The following IL22RA2 variants were observed in gnomAD, a reference collection of about 807,000 sequenced individuals.
The protein encoded by IL22RA2 is interleukin 22 receptor subunit alpha 2, also known as interleukin-22 receptor subunit alpha-2.
Under a neutral mutation model 30.7 loss-of-function variants are expected in IL22RA2, and 39 were observed. The observed-to-expected ratio is 1.27, with a 90% confidence interval of 0.98 to 1.66. The LOEUF (loss-of-function observed/expected upper bound fraction) is 1.66, where lower values mean the gene tolerates loss of function less well. Ranked by LOEUF, IL22RA2 falls within the 40% of genes most tolerant of loss-of-function variation. The pLI, the probability that IL22RA2 is intolerant of heterozygous loss-of-function variation, is 0.00. For synonymous variants in IL22RA2, 103 were observed against 105.0 expected (o/e 0.98, Z 0.11); for missense variants, 315 against 312.7 (o/e 1.01, Z -0.05).
chr6:137,154,781 G>A (rs549382739), intron 5 of IL22RA2, among the ~76,000 whole-genome samples, 160 bp downstream of exon 5: 2 of 152,154 alleles, frequency 1.3e-5, no homozygotes, highest in Non-Finnish European at 2.9e-5. Flanking sequence ...AGAAAATTAG[G>A]ATAATAAAAG....
At chr6:137,161,531 A>G (rs74413263) in intron 2 of IL22RA2, among the ~76,000 whole-genome samples, 158 bp downstream of exon 2, 2,952 of 152,336 alleles carry the variant, frequency 0.019, 92 homozygotes, top group African/African-American at 0.066. Context: ...TTCAAGCTGC[A>G]GATAGACACT....
rs1778129685 is a variant in IL22RA2 at position 137,144,267 on chromosome 6, C to A, written c.*1357G>T. On this transcript the variant is annotated 3_prime_UTR_variant, in exon 7 of 7. Coordinates refer to ENST00000296980, the MANE Select transcript of IL22RA2 (RefSeq NM_052962.3). ...CTGAGCATACAGGGAAGCAAGGAAA[C>A]CAATTCTCTAGCTCTTGCTCTGCCT... 1 of 152,134 alleles carries A rather than the reference C, an allele frequency of 6.6e-6. No homozygotes were observed. The highest frequency in any genetic ancestry group is 2.1e-4 in the South Asian group (1 of 4,834). The allele number at this position is 152,134 out of a possible 1,614,324, so 9.4% of individuals were successfully genotyped here.
chr6:137,168,613 A>G (rs1199336843), intron 1 of IL22RA2, among the ~76,000 whole-genome samples: 1 of 152,214 alleles, frequency 6.6e-6, no homozygotes, highest in Non-Finnish European at 1.5e-5. Context: ...TGGACCACAC[A>G]TGAATTTAAT....
rs748380412 is a variant in IL22RA2, at chr6:137,147,814, G to T, written c.550C>A (p.Pro184Thr). The change falls in exon 6 of 7, where the codon CCA becomes ACA. Residue 184 changes from proline to threonine, a missense_variant. Coordinates refer to ENST00000296980, the MANE Select transcript of IL22RA2 (RefSeq NM_052962.3). Reference sequence around the variant, plus strand: ...TTTTTTTCCTTTTGGTATCTATATGGTAAATTTGGAGCATGGAGAATTACC... The same window carrying T: ...TTTTTTTCCTTTTGGTATCTATATGTTAAATTTGGAGCATGGAGAATTACC... ...LLVILHAPNL[P>T]YRYQKEKNVS... The T allele has an allele frequency of 5.6e-6, 9 of 1,613,158 alleles. No homozygotes were observed. In the Admixed American group the frequency reaches 1.5e-4, roughly 27 times the overall value.
At chr6:137,148,761 T>C (rs1348681472) in intron 5 of IL22RA2, among the ~76,000 whole-genome samples, 1 of 152,234 alleles carries the variant, frequency 6.6e-6, no homozygotes, top group Non-Finnish European at 1.5e-5. Flanking sequence ...TTTCCAACTA[T>C]ATTGGAATAA....
At chr6:137,157,844 C>G (rs921686979) in intron 3 of IL22RA2, among the ~76,000 whole-genome samples, 5 of 152,082 alleles carry the variant, frequency 3.3e-5, no homozygotes, top group African/African-American at 1.2e-4. Context: ...GCAGCGTGTT[C>G]CAGTTTGTGT....
At chr6:137,167,261 C>T (rs553134170) in intron 1 of IL22RA2, among the ~76,000 whole-genome samples, 198 of 152,238 alleles carry the variant, frequency 1.3e-3, no homozygotes, top group African/African-American at 3.9e-3. Context: ...CTCAAACAGC[C>T]GTTAAAAAAG....
intron 1 of IL22RA2, among the ~76,000 whole-genome samples, chr6:137,165,460 A>T (rs1778608497): frequency 6.6e-6 from 1 of 152,216 alleles, no homozygotes; most frequent in Non-Finnish European, 1.5e-5. Context: ...GGAGGCCAAG[A>T]GAAAAGCTAG....
chr6:137,170,948 A>T (rs988008545), intron 1 of IL22RA2, among the ~76,000 whole-genome samples: 2 of 152,234 alleles, frequency 1.3e-5, no homozygotes, highest in African/African-American at 4.8e-5. Flanking sequence ...TCTAAAAATG[A>T]AGTTGCTTCA....
At chr6:137,160,048 AAG>A (rs1442360559) in intron 2 of IL22RA2, among the ~76,000 whole-genome samples, 3 of 152,228 alleles carry the variant, frequency 2.0e-5, no homozygotes, top group Admixed American at 2.0e-4. Flanking sequence ...TGTTCTTGGA[AAG>A]AGTCTACAGC....
intron 5 of IL22RA2, among the ~76,000 whole-genome samples, chr6:137,150,869 A>G (rs1441311672): frequency 1.3e-5 from 2 of 152,110 alleles, no homozygotes; most frequent in Non-Finnish European, 2.9e-5. Flanking sequence ...ACTCTATTCC[A>G]CCCTCCTGCT....
chr6:137,168,038 G>C (rs1341427259), intron 1 of IL22RA2, among the ~76,000 whole-genome samples: 2 of 152,150 alleles, frequency 1.3e-5, no homozygotes, highest in Non-Finnish European at 2.9e-5. Flanking sequence ...TTGTTGCCCA[G>C]AAAGGTGCCC....
chr6:137,155,308 A>G (rs567736786), intron 4 of IL22RA2, among the ~76,000 whole-genome samples, 189 bp from the exon 5 acceptor site: 2 of 152,154 alleles, frequency 1.3e-5, no homozygotes, highest in African/African-American at 4.8e-5. Context: ...CTGTTGCTAT[A>G]ACTGAATACC....
chr6:137,146,285 G>T (rs978181138), intron 6 of IL22RA2, among the ~76,000 whole-genome samples: 1 of 152,162 alleles, frequency 6.6e-6, no homozygotes, highest in South Asian at 2.1e-4. Context: ...GCCTGCCTCA[G>T]CCTCCCAAAG....
chr6:137,167,649 G>A (rs924664218), intron 1 of IL22RA2, among the ~76,000 whole-genome samples: 2 of 152,174 alleles, frequency 1.3e-5, no homozygotes, highest in African/African-American at 2.4e-5. Context: ...TGCTGTTAAA[G>A]TTGCAGGTAT....
At chr6:137,158,286 AT>A (rs759631943) in intron 3 of IL22RA2, 60 bp downstream of exon 3, 170 of 1,594,176 alleles carry the variant, frequency 1.1e-4, no homozygotes, top group Admixed American at 2.3e-4. Context: ...ACTCCATTGC[AT>A]TCTAGAACAT....
At chr6:137,158,148 C>T (rs1304398966) in intron 3 of IL22RA2, among the ~76,000 whole-genome samples, 199 bp downstream of exon 3, 1 of 152,164 alleles carries the variant, frequency 6.6e-6, no homozygotes, top group African/African-American at 2.4e-5. Context: ...GAAGTATCTG[C>T]CCAGTGCACT....
In IL22RA2 at chr6:137,145,382, A is replaced by G. The variant is rs549708136; in HGVS notation, c.*242T>C. On this transcript the variant is annotated 3_prime_UTR_variant, in exon 7 of 7. Coordinates refer to ENST00000296980, the MANE Select transcript of IL22RA2 (RefSeq NM_052962.3). The stretch of plus-strand genomic sequence containing the variant: ...AATAAAGTTCTGAATTTCATAGAAC[A>G]CTTTATTCTCTGCCTCATCTTTACA... The G allele has an allele frequency of 3.6e-5, 13 of 364,572 alleles. No homozygotes were observed. The South Asian group carries it at 6.2e-4, about 18-fold the overall frequency. 22.6% of individuals were successfully genotyped at this position (364,572 alleles called of 1,614,324 possible).
At chr6:137,164,965 AT>A (rs28741411) in intron 1 of IL22RA2, among the ~76,000 whole-genome samples, 12,035 of 151,938 alleles carry the variant, frequency 0.079, 1,165 homozygotes, top group African/African-American at 0.23. Context: ...GATTGTAAAC[AT>A]TTTTTTCTGT....
Sources: allele counts gnomAD v4.1 joint callset (sites outside exome capture counted in the v4.1 genomes callset), GRCh38; gene constraint gnomAD v4.1.1; transcripts MANE v1.5; gene names NCBI Gene and HGNC (gene_info 2026-07-23, HGNC 2026-07-21).